RAPGEF4: variants seen among roughly 807,000 people sequenced by gnomAD.
The protein encoded by RAPGEF4 is Rap guanine nucleotide exchange factor 4.
RAPGEF4 carries 66 observed loss-of-function variants against 147.9 expected under a neutral mutation model. That is an observed-to-expected ratio of 0.45 (90% confidence interval 0.37 to 0.55). The LOEUF is 0.55. Among genes scored for constraint, RAPGEF4 ranks in the 20% least tolerant of loss-of-function variants. The pLI is 0.00. For missense variants in RAPGEF4, 1,071 were observed against 1,257.3 expected (o/e 0.85, Z 2.24); for synonymous variants, 419 against 442.7 (o/e 0.95, Z 0.67).
intron 18 of RAPGEF4, among the ~76,000 whole-genome samples, chr2:173,015,413 C>T (rs1366281974): frequency 6.6e-6 from 1 of 152,186 alleles, no homozygotes; most frequent in Non-Finnish European, 1.5e-5. Flanking sequence ...CCGTTTCAAA[C>T]TTTTTCAGTC....
At chr2:172,897,883 C>CTTTATAG (rs10683076) in intron 4 of RAPGEF4, among the ~76,000 whole-genome samples, 147,667 of 152,014 alleles carry the variant, frequency 0.97, 71,851 homozygotes, top group East Asian at 1. Flanking sequence ...ATGTACTGTA[C>CTTTATAG]TTTGTAAAGC....
intron 17 of RAPGEF4, among the ~76,000 whole-genome samples, chr2:173,004,870 A>G (rs1232782047): frequency 6.6e-6 from 1 of 151,996 alleles, no homozygotes; most frequent in Non-Finnish European, 1.5e-5. Flanking sequence ...TTGGTGGTAT[A>G]TTGTGAATAT....
intron 4 of RAPGEF4, among the ~76,000 whole-genome samples, chr2:172,908,950 C>T (rs1699859531): frequency 6.6e-6 from 1 of 152,170 alleles, no homozygotes; most frequent in African/African-American, 2.4e-5. Flanking sequence ...GTTTTCTTGT[C>T]ATTTGAAGAA....
chr2:172,878,012 C>T (rs1270335926), intron 4 of RAPGEF4, among the ~76,000 whole-genome samples: 1 of 152,160 alleles, frequency 6.6e-6, no homozygotes, highest in East Asian at 1.9e-4. Flanking sequence ...GTGACTCAGC[C>T]AGCATTACTA....
intron 12 of RAPGEF4, among the ~76,000 whole-genome samples, chr2:172,986,174 G>GA (rs1285583629): frequency 5.9e-5 from 9 of 152,250 alleles, no homozygotes; most frequent in South Asian, 2.1e-4. Flanking sequence ...GTCAGGAAAT[G>GA]CCTCTCCAAT....
At chr2:173,018,399 C>T (rs190605324) in intron 21 of RAPGEF4, among the ~76,000 whole-genome samples, 7 of 152,276 alleles carry the variant, frequency 4.6e-5, no homozygotes, top group Admixed American at 4.6e-4. Flanking sequence ...TTCCCATGAC[C>T]TCTTTGTGGG....
intron 27 of RAPGEF4, among the ~76,000 whole-genome samples, chr2:173,035,060 T>C (rs542255726): frequency 6.6e-6 from 1 of 152,088 alleles, no homozygotes; most frequent in South Asian, 2.1e-4. Context: ...CTTTTTATTA[T>C]TATTATTATT....
chr2:172,989,851 G>A (rs1433153867), intron 14 of RAPGEF4, among the ~76,000 whole-genome samples: 1 of 152,180 alleles, frequency 6.6e-6, no homozygotes, highest in East Asian at 1.9e-4. Flanking sequence ...AGTCCTAAAT[G>A]TAGCTTTTGT....
intron 6 of RAPGEF4, among the ~76,000 whole-genome samples, chr2:172,943,017 GTC>G (rs1398007972): frequency 6.6e-6 from 1 of 152,128 alleles, no homozygotes; most frequent in African/African-American, 2.4e-5. Context: ...GGGAAGAACT[GTC>G]TGAGGAAGGT....
At chr2:172,799,166 G>A (rs1473072580) in intron 3 of RAPGEF4, among the ~76,000 whole-genome samples, 1 of 152,068 alleles carries the variant, frequency 6.6e-6, no homozygotes, top group Admixed American at 6.6e-5. Flanking sequence ...GTCCTTCTTG[G>A]ATATTTACTT....
intron 1 of RAPGEF4, among the ~76,000 whole-genome samples, chr2:172,785,938 G>A (rs1685148526): frequency 1.3e-5 from 2 of 152,182 alleles, no homozygotes; most frequent in South Asian, 4.2e-4. Context: ...AAGGCGGTGG[G>A]CACTCTCCAC....
At chr2:172,769,077 A>T (rs1464716421) in intron 1 of RAPGEF4, among the ~76,000 whole-genome samples, 1 of 152,306 alleles carries the variant, frequency 6.6e-6, no homozygotes, top group South Asian at 2.1e-4. Context: ...AAGGGGGAGA[A>T]CTAGACCTAG....
At chr2:172,927,560 C>T (rs1216971559) in intron 6 of RAPGEF4, among the ~76,000 whole-genome samples, 1 of 151,850 alleles carries the variant, frequency 6.6e-6, no homozygotes, top group Non-Finnish European at 1.5e-5. Context: ...TGCTTAAGCC[C>T]AGGAGTTGAG....
At chr2:172,898,064 G>C (rs1698704751) in intron 4 of RAPGEF4, among the ~76,000 whole-genome samples, 1 of 152,140 alleles carries the variant, frequency 6.6e-6, no homozygotes, top group African/African-American at 2.4e-5. Context: ...CTCCGGGGTG[G>C]CAATAGCAGG....
chr2:173,000,623 A>T (rs1203615686), intron 16 of RAPGEF4, among the ~76,000 whole-genome samples: 1 of 152,184 alleles, frequency 6.6e-6, no homozygotes, highest in African/African-American at 2.4e-5. Flanking sequence ...TTCCTTACCT[A>T]CAAAATAGTT....
intron 22 of RAPGEF4, among the ~76,000 whole-genome samples, chr2:173,020,383 G>T (rs1279797644): frequency 6.6e-6 from 1 of 152,150 alleles, no homozygotes; most frequent in Non-Finnish European, 1.5e-5. Context: ...TGGGTGAATT[G>T]ACCCTCTGGC....
chr2:172,907,511 G>A (rs1200681308), intron 4 of RAPGEF4, among the ~76,000 whole-genome samples: 2 of 152,258 alleles, frequency 1.3e-5, no homozygotes, highest in East Asian at 3.9e-4. Context: ...TGTGCTCTTC[G>A]TTTCTCCATC....
chr2:172,746,618 CTT>C (rs569348166), intron 1 of RAPGEF4, among the ~76,000 whole-genome samples: 4 of 145,042 alleles, frequency 2.8e-5, no homozygotes, highest in African/African-American at 2.5e-5. Context: ...TTACTTTTTT[CTT>C]TTTTTTTTTT....
At chr2:172,813,403 A>C (rs1445102935) in intron 3 of RAPGEF4, among the ~76,000 whole-genome samples, 1 of 152,176 alleles carries the variant, frequency 6.6e-6, no homozygotes, top group Non-Finnish European at 1.5e-5. Context: ...TTTTTGGTAC[A>C]CCTTAAGAAA....
Sources: allele counts gnomAD v4.1 joint callset (sites outside exome capture counted in the v4.1 genomes callset), GRCh38; gene constraint gnomAD v4.1.1; transcripts MANE v1.5; gene names NCBI Gene and HGNC (gene_info 2026-07-23, HGNC 2026-07-21).